Variants in FHIT observed in about 807,000 individuals in gnomAD.
FHIT encodes the protein fragile histidine triad diadenosine triphosphatase.
Under a neutral mutation model 17.9 loss-of-function variants are expected in FHIT, and 19 were observed. The ratio of observed to expected loss-of-function variants is 1.06; its 90% CI spans 0.74 to 1.56. FHIT has a LOEUF of 1.56. FHIT is among the 40% of genes most tolerant of loss of function. The pLI is 0.00. For missense variants in FHIT, 248 were observed against 189.2 expected, an observed-to-expected ratio of 1.31 and a Z score of -1.82; for synonymous variants, 81 against 69.7, an observed-to-expected ratio of 1.16 and a Z score of -0.81.
intron 5 of FHIT, among the ~76,000 whole-genome samples, chr3:60,120,402 T>G (rs752833605): frequency 6.6e-6 from 1 of 152,224 alleles, no homozygotes; most frequent in Non-Finnish European, 1.5e-5. Flanking sequence ...CTGAAATTCA[T>G]AGTCCCATGC....
intron 4 of FHIT, among the ~76,000 whole-genome samples, chr3:60,734,582 C>A (rs908194020): frequency 1.3e-5 from 2 of 152,184 alleles, no homozygotes; most frequent in African/African-American, 4.8e-5. Flanking sequence ...TTACCAAGGT[C>A]TCAAACTTCT....
At chr3:60,558,512 C>T (rs1340784822) in intron 4 of FHIT, among the ~76,000 whole-genome samples, 1 of 151,982 alleles carries the variant, frequency 6.6e-6, no homozygotes, top group East Asian at 2.0e-4. Flanking sequence ...AATGACTCAG[C>T]ATGGTCTTTG....
rs1433713727 is a variant in FHIT at position 60,361,350 on chromosome 3, C to CA, written c.103+175509dup. ...CAAGAGAGGAGAGGTGTTTGTCAGG[C>CA]AAAAAAATGGAAAAGGGCACTATTC... On this transcript the variant is annotated intron_variant, in intron 5 of 9. Transcript: ENST00000492590. 3.3e-5 allele frequency among the ~76,000 whole-genome samples: 5 copies of CA among 151,628 alleles called. No homozygotes were observed. The East Asian group carries it at 7.7e-4, about 23-fold the overall frequency.
Position 59,918,095 on chromosome 3 carries a change from C to T in FHIT, c.348+4251G>A, listed in dbSNP as rs1024367075. Among the ~76,000 whole-genome samples the T allele has an allele frequency of 4.6e-5, 7 of 152,192 alleles. No homozygotes were observed. In the East Asian group the frequency reaches 9.6e-4, roughly 21 times the overall value. On this transcript the variant is annotated intron_variant, in intron 8 of 9. Coordinates refer to ENST00000492590, the MANE Select transcript of FHIT (RefSeq NM_002012.4). The stretch of plus-strand genomic sequence containing the variant: ...CCTCAGATGGCTGATGGCACCATGT[C>T]GAAGTCTCACCCAGTGTGGCTATGA...
intron 3 of FHIT, among the ~76,000 whole-genome samples, chr3:61,005,145 G>A (rs981707766): frequency 6.6e-6 from 1 of 152,108 alleles, no homozygotes; most frequent in Non-Finnish European, 1.5e-5. Flanking sequence ...CTTAGGAAAG[G>A]TGAGTAAATG....
In FHIT at chr3:60,273,642, A is replaced by T. The variant is rs566277361; in HGVS notation, c.104-259490T>A. ...AAAGAAAAAAGCCTCATTATTTTTT[A>T]TAATGATCATGCTGATCATACTGCT... On this transcript the variant is annotated intron_variant, in intron 5 of 9. Coordinates refer to ENST00000492590, the MANE Select transcript of FHIT (RefSeq NM_002012.4). Among the ~76,000 whole-genome samples the T allele has an allele frequency of 5.3e-5, 8 of 152,296 alleles. No individual in the cohort carries two copies. The South Asian group carries it at 1.7e-3, about 32-fold the overall frequency.
rs572908449 is a variant in FHIT at position 60,860,460 on chromosome 3, A to ATATATGATACATATGTAT, written c.-110-38450_-110-38449insATACATATGTATCATATA. On this transcript the variant is annotated intron_variant, in intron 3 of 9. Transcript: ENST00000492590. ...TATCATGTATATATGATACATATGT[A>ATATATGATACATATGTAT]CATATATATGTATATATGATACATA... is the stretch of plus-strand genomic sequence containing the variant. 1.2e-4 allele frequency among the ~76,000 whole-genome samples: 13 copies of ATATATGATACATATGTAT among 106,964 alleles called. 3 individuals carry two copies. The highest frequency in any genetic ancestry group is 1.8e-4 in the Admixed American group (2 of 11,032). 70.2% of individuals were successfully genotyped at this position (106,964 alleles called of 152,430 possible).
intron 3 of FHIT, among the ~76,000 whole-genome samples, chr3:60,963,701 C>T (rs1419946389): frequency 1.3e-5 from 2 of 152,196 alleles, no homozygotes; most frequent in African/African-American, 2.4e-5. Context: ...AGTAGTCATT[C>T]AGGAGCAGGT....
chr3:60,696,435 C>G (rs1381706597), intron 4 of FHIT, among the ~76,000 whole-genome samples: 2 of 152,152 alleles, frequency 1.3e-5, no homozygotes, highest in African/African-American at 4.8e-5. Context: ...TAATAAATCA[C>G]CCCTGGGTTC....
chr3:60,993,008 T>C (rs944114542), intron 3 of FHIT, among the ~76,000 whole-genome samples: 1 of 152,144 alleles, frequency 6.6e-6, no homozygotes, highest in Non-Finnish European at 1.5e-5. Flanking sequence ...TCGCGTGGCA[T>C]TAAAAAATGC....
intron 8 of FHIT, among the ~76,000 whole-genome samples, chr3:59,843,033 G>C (rs1057017619): frequency 1.3e-5 from 2 of 152,060 alleles, no homozygotes; most frequent in African/African-American, 4.8e-5. Flanking sequence ...GAGTTTTATA[G>C]TTTTAGTTCT....
intron 7 of FHIT, among the ~76,000 whole-genome samples, chr3:59,995,398 T>C (rs1459736245): frequency 6.6e-6 from 1 of 152,060 alleles, no homozygotes; most frequent in African/African-American, 2.4e-5. Context: ...TCAAACTTAG[T>C]CTCTTGAGGA....
intron 4 of FHIT, among the ~76,000 whole-genome samples, chr3:60,766,132 T>C (rs1699846952): frequency 6.6e-6 from 1 of 152,196 alleles, no homozygotes; most frequent in South Asian, 2.1e-4. Flanking sequence ...TATTCCCTTA[T>C]ATATATACAT....
At chr3:60,416,687 A>T (rs907042278) in intron 5 of FHIT, among the ~76,000 whole-genome samples, 4 of 152,182 alleles carry the variant, frequency 2.6e-5, no homozygotes, top group Non-Finnish European at 5.9e-5. Flanking sequence ...AGCAGCAGGC[A>T]TGATTTGGCT....
At chr3:60,020,562 GAACT>G (rs1481365030) in intron 5 of FHIT, among the ~76,000 whole-genome samples, 1 of 152,104 alleles carries the variant, frequency 6.6e-6, no homozygotes, top group Non-Finnish European at 1.5e-5. Context: ...TCATTCTTCT[GAACT>G]AATAAAAAAG....
chr3:61,013,872 AC>A (rs564711207), intron 3 of FHIT, among the ~76,000 whole-genome samples: 1 of 152,240 alleles, frequency 6.6e-6, no homozygotes, highest in Non-Finnish European at 1.5e-5. Context: ...GACAAGAAAT[AC>A]CCTAATAAAA....
chr3:60,999,255 C>A (rs1322072066), intron 3 of FHIT, among the ~76,000 whole-genome samples: 1 of 152,058 alleles, frequency 6.6e-6, no homozygotes, highest in Non-Finnish European at 1.5e-5. Context: ...ACAGCAACTG[C>A]AGAAGATATC....
At position 60,800,580 on chromosome 3, in the gene FHIT, G is replaced by A. The variant is rs1575541725; in HGVS notation, c.-18+21339C>T. ...GAGGGAGAGTAAAACAGGGGAAAAG[G>A]GTATCTTAAATCAGATTCCCTAGAA... On this transcript the variant is annotated intron_variant, in intron 4 of 9. Coordinates refer to ENST00000492590, the MANE Select transcript of FHIT (RefSeq NM_002012.4). Among the ~76,000 whole-genome samples, 5 of 152,100 alleles carry A rather than the reference G, an allele frequency of 3.3e-5. No individual in the cohort carries two copies. In the South Asian group the frequency reaches 8.3e-4, roughly 25 times the overall value.
At chr3:61,085,839 T>G (rs1037976370) in intron 2 of FHIT, among the ~76,000 whole-genome samples, 6 of 152,300 alleles carry the variant, frequency 3.9e-5, no homozygotes, top group East Asian at 1.9e-4. Flanking sequence ...ATGCAATTGT[T>G]CCACCTCACC....
Sources: allele counts gnomAD v4.1 joint callset (sites outside exome capture counted in the v4.1 genomes callset), GRCh38; gene constraint gnomAD v4.1.1; transcripts MANE v1.5; gene names NCBI Gene and HGNC (gene_info 2026-07-23, HGNC 2026-07-21).